The following PPP1R14B variants were observed in gnomAD, a reference collection of about 807,000 sequenced individuals.
PPP1R14B encodes protein phosphatase 1 regulatory inhibitor subunit 14B.
In PPP1R14B, 4 loss-of-function variants were observed where a neutral mutation model predicts 14.7. That is an observed-to-expected ratio of 0.27 (90% CI 0.13 to 0.62). The LOEUF (loss-of-function observed/expected upper bound fraction) is 0.62, where lower values mean the gene tolerates loss of function less well. PPP1R14B is among the 20% of genes least tolerant of loss of function. The pLI is 0.85. For synonymous variants in PPP1R14B, 76 were observed against 87.3 expected (o/e 0.87, Z 0.72); for missense variants, 138 against 201.5 (o/e 0.68, Z 1.91).
At position 64,244,610 on chromosome 11, in the gene PPP1R14B, G is replaced by A. The variant is rs917606531; in HGVS notation, c.*144C>T. The A allele has an allele frequency of 5.8e-5, 83 of 1,438,082 alleles. No homozygotes were observed. The Middle Eastern group carries it at 7.7e-4, about 13-fold the overall frequency. The allele number at this position is 1,438,082 out of a possible 1,614,324, so 89.1% of individuals were successfully genotyped here. On this transcript the variant is annotated 3_prime_UTR_variant, in exon 4 of 4. Transcript: ENST00000309318. ...AAAGTGGAAAACTGAGGGGGCAGGG[G>A]AAGAGACCCCTGGGCCAGGGGCACG...
In PPP1R14B at chr11:64,244,525, C is replaced by T. The variant is rs1213500650; in HGVS notation, c.*229G>A. The stretch of plus-strand genomic sequence containing the variant: ...CCTAGCTTTATTAAAGGGCCCGCGC[C>T]GCAGAGTCAATATAAAAACACAAAA... On this transcript the variant is annotated 3_prime_UTR_variant, in exon 4 of 4. Coordinates refer to ENST00000309318, the MANE Select transcript of PPP1R14B (RefSeq NM_138689.3). 2.7e-5 allele frequency: 34 copies of T among 1,272,950 alleles called. No homozygotes were observed. In the East Asian group the frequency reaches 3.1e-4, roughly 12 times the overall value. 78.9% of individuals were successfully genotyped at this position (1,272,950 alleles called of 1,614,324 possible).
In PPP1R14B at chr11:64,244,923, C is replaced by G. The variant is rs759936553; in HGVS notation, c.375+7G>C. 6.3e-7 allele frequency: 1 copy of G among 1,598,732 alleles called. No individual in the cohort carries two copies. The highest frequency in any genetic ancestry group is 1.7e-5 in the Admixed American group (1 of 59,572). On this transcript the variant is annotated splice_region_variant and intron_variant, in intron 3 of 3. Coordinates refer to ENST00000309318, the MANE Select transcript of PPP1R14B (RefSeq NM_138689.3). Reference sequence around the variant, plus strand: ...CACCCCCGCCAGCCCCCCAGGAAATCTCTTACCTCTGTGGGTTTGTAACAG... The same window carrying G: ...CACCCCCGCCAGCCCCCCAGGAAATGTCTTACCTCTGTGGGTTTGTAACAG...
rs752150726 is a variant in PPP1R14B, at chr11:64,244,913, C to T, written c.375+17G>A. 1.2e-6 allele frequency: 2 copies of T among 1,612,218 alleles called. No individual in the cohort carries two copies. The highest frequency in any genetic ancestry group is 1.7e-6 in the Non-Finnish European group (2 of 1,178,656). On this transcript the variant is annotated intron_variant, in intron 3 of 3. Transcript: ENST00000309318. ...CTCACCCTGCCACCCCCGCCAGCCC[C>T]CCAGGAAATCTCTTACCTCTGTGGG... is the stretch of plus-strand genomic sequence containing the variant.
In PPP1R14B at chr11:64,244,557, A is replaced by T; in HGVS notation, c.*197T>A. On this transcript the variant is annotated 3_prime_UTR_variant, in exon 4 of 4. Coordinates refer to ENST00000309318, the MANE Select transcript of PPP1R14B (RefSeq NM_138689.3). ...TCAATATAAAAACACAAAAAGTCCC[A>T]TCAGTTTAATAACAATAAAAAACCC... 7.4e-6 allele frequency: 10 copies of T among 1,352,674 alleles called. No individual in the cohort carries two copies. Among genetic ancestry groups the T allele is most frequent in the Non-Finnish European group, 7.9e-6 (8 of 1,012,746 alleles). 83.8% of individuals were successfully genotyped at this position (1,352,674 alleles called of 1,614,324 possible).
Position 64,246,561 on chromosome 11 carries a change from C to A in PPP1R14B, c.113G>T (p.Gly38Val). Residue 38 changes from glycine to valine, a missense_variant, in exon 1 of 4, where the codon GGA (glycine) becomes GTA (valine). Physicochemically the swap from Gly to Val is moderately radical, Grantham distance 109. This residue lies in a region of PPP1R14B where 32 missense variants were observed against 18.1 expected (regional missense o/e 1.77). Coordinates refer to ENST00000309318, the MANE Select transcript of PPP1R14B (RefSeq NM_138689.3). ...ATCGTCCGCCCCGCCCGGGCCCTCT[C>A]CTGCGGCCCCGGGGGGGCTCTGAAA... ...VYFQSPPGAAGEGPGGADDEG... is the reference protein window; with the variant it reads ...VYFQSPPGAAVEGPGGADDEG... The A allele has an allele frequency of 6.2e-7, 1 of 1,606,856 alleles. No homozygotes were observed. The highest frequency in any genetic ancestry group is 8.5e-7 in the Non-Finnish European group (1 of 1,177,974).
At position 64,245,079 on chromosome 11, in the gene PPP1R14B, A is replaced by C. The variant is rs908303796; in HGVS notation, c.343-117T>G. On this transcript the variant is annotated intron_variant, in intron 2 of 3. Transcript: ENST00000309318. ...CCTGAGGCACAGGAGATGCCACAAC[A>C]ACCTCACAGCTAGGCATTGGCCCCA... 4.8e-6 allele frequency: 7 copies of C among 1,453,112 alleles called. No homozygotes were observed. The African/African-American group carries it at 8.5e-5, about 18-fold the overall frequency. 90.0% of individuals were successfully genotyped at this position (1,453,112 alleles called of 1,614,324 possible). A position where few individuals can be genotyped will look rare whatever the true frequency, so the allele number is the denominator to read the frequency against.
At position 64,244,699 on chromosome 11, in the gene PPP1R14B, G is replaced by T; in HGVS notation, c.*55C>A. ...CCCCCGGTATTGCTGTTGCTACGAG[G>T]TTGGGGGGCAGCGATTGTCCTGTGG... On this transcript the variant is annotated 3_prime_UTR_variant, in exon 4 of 4. Coordinates refer to ENST00000309318, the MANE Select transcript of PPP1R14B (RefSeq NM_138689.3). The T allele has an allele frequency of 1.2e-6, 2 of 1,605,302 alleles. No individual in the cohort carries two copies. Among genetic ancestry groups the T allele is most frequent in the Non-Finnish European group, 1.7e-6 (2 of 1,173,952 alleles).
In PPP1R14B at chr11:64,244,678, C is replaced by T. The variant is rs561964164; in HGVS notation, c.*76G>A. On this transcript the variant is annotated 3_prime_UTR_variant, in exon 4 of 4. Coordinates refer to ENST00000309318, the MANE Select transcript of PPP1R14B (RefSeq NM_138689.3). ...CACCAGGCCTGGCCGCAGGGTCCCC[C>T]GGTATTGCTGTTGCTACGAGGTTGG... The T allele has an allele frequency of 2.3e-4, 374 of 1,596,272 alleles. 1 individual carries two copies. In the African/African-American group the frequency reaches 4.0e-3, roughly 17 times the overall value.
Position 64,246,811 on chromosome 11 carries a change from G to A in PPP1R14B, c.-138C>T. 4.4e-6 allele frequency: 3 copies of A among 679,680 alleles called. No homozygotes were observed. Among genetic ancestry groups the A allele is most frequent in the Non-Finnish European group, 3.6e-6 (2 of 552,896 alleles). 42.1% of individuals were successfully genotyped at this position (679,680 alleles called of 1,614,324 possible). On this transcript the variant is annotated 5_prime_UTR_variant, in exon 1 of 4. Coordinates refer to ENST00000309318, the MANE Select transcript of PPP1R14B (RefSeq NM_138689.3). The stretch of plus-strand genomic sequence containing the variant: ...GGCGAGGGCGGCGGCGGGGGCGCCC[G>A]GGGGCAGCTGCAGCATGCGGAGCCC...
rs1209933304 is a variant in PPP1R14B at position 64,246,419 on chromosome 11, G to A, written c.255C>T (p.Cys85=). The change falls in exon 1 of 4, where the codon TGC becomes TGT. Residue 85 remains cysteine, a synonymous_variant. Coordinates refer to ENST00000309318, the MANE Select transcript of PPP1R14B (RefSeq NM_138689.3). ...TCGGCGCGGGGTGGGAACACACCTGGCAGTCGTAGAGGCGCGTGAGCTGCT... is the reference window on the plus strand; with the variant it reads ...TCGGCGCGGGGTGGGAACACACCTGACAGTCGTAGAGGCGCGTGAGCTGCT... ...ILEQLTRLYD[C]QEEEIPELEI... is the part of the protein sequence containing the mutation. The A allele has an allele frequency of 5.6e-6, 9 of 1,607,300 alleles. No homozygotes were observed. The highest frequency in any genetic ancestry group is 1.3e-5 in the African/African-American group (1 of 74,732).
intron 1 of PPP1R14B, 107 bp downstream of exon 1, chr11:64,246,309 G>C (rs2030876381): frequency 6.9e-7 from 1 of 1,455,668 alleles, no homozygotes; most frequent in Non-Finnish European, 9.3e-7. Flanking sequence ...AGCGCGCGGG[G>C]AAGCAAAGCG....
chr11:64,246,579 C>T lies in PPP1R14B; in HGVS notation c.95G>A (p.Ser32Asn). The change falls in exon 1 of 4, where the codon AGC (serine) becomes AAC (asparagine). Residue 32 changes from serine (S) to asparagine (N), a missense_variant. Physicochemically the swap from Ser to Asn is conservative, Grantham distance 46. Transcript: ENST00000309318. ...GCCCTCTCCTGCGGCCCCGGGGGGG[C>T]TCTGAAAGTAGACGCGTGGTCCTGG... ...GGPGPRVYFQ[S>N]PPGAAGEGPG... The T allele has an allele frequency of 6.2e-7, 1 of 1,601,000 alleles. No homozygotes were observed. The highest frequency in any genetic ancestry group is 2.3e-4 in the Middle Eastern group (1 of 4,414).
chr11:64,245,594 G>A, intron 1 of PPP1R14B: 1 of 375,794 alleles, frequency 2.7e-6, no homozygotes. Flanking sequence ...CCAACATCCG[G>A]GCCCCCCATC....
chr11:64,246,296 G>A, intron 1 of PPP1R14B, 120 bp downstream of exon 1: 1 of 1,370,440 alleles, frequency 7.3e-7, no homozygotes, highest in East Asian at 2.6e-5. Flanking sequence ...CAGAGGGGAG[G>A]GGAGCGCGCG....
chr11:64,246,050 G>C, intron 1 of PPP1R14B: 1 of 242,468 alleles, frequency 4.1e-6, no homozygotes, highest in Non-Finnish European at 8.1e-6. Flanking sequence ...TACCAGACCA[G>C]CACCTTGTAA....
intron 1 of PPP1R14B, 140 bp downstream of exon 1, chr11:64,246,276 G>A: frequency 2.6e-6 from 3 of 1,136,416 alleles, no homozygotes; most frequent in East Asian, 2.7e-5. Flanking sequence ...ATATATTGGG[G>A]GCGGGAGTGC....
In PPP1R14B at chr11:64,246,578, G is replaced by C. The variant is rs765161994; in HGVS notation, c.96C>G (p.Ser32Arg). The C allele has an allele frequency of 1.2e-6, 2 of 1,601,556 alleles. No individual in the cohort carries two copies. The highest frequency in any genetic ancestry group is 1.7e-6 in the Non-Finnish European group (2 of 1,175,644). ...GGCCCTCTCCTGCGGCCCCGGGGGG[G>C]CTCTGAAAGTAGACGCGTGGTCCTG... ...GGPGPRVYFQ[S>R]PPGAAGEGPG... is the part of the protein sequence containing the mutation. Residue 32 changes from serine to arginine, a missense_variant, in exon 1 of 4, where the codon AGC (serine) becomes AGG (arginine). By Grantham distance (110) the Ser-to-Arg change is moderately radical. Coordinates refer to ENST00000309318, the MANE Select transcript of PPP1R14B (RefSeq NM_138689.3).
In PPP1R14B at chr11:64,246,601, C is replaced by T; in HGVS notation, c.73G>A (p.Gly25Arg). Residue 25 changes from glycine (G) to arginine (R), a missense_variant, in exon 1 of 4, where the codon GGA becomes AGA. Coordinates refer to ENST00000309318, the MANE Select transcript of PPP1R14B (RefSeq NM_138689.3). ...GGGCTCTGAAAGTAGACGCGTGGTC[C>T]TGGGCCGCCACTGCCCGGCCCGGGG... ...PAPGPGSGGP[G>R]PRVYFQSPPG... The T allele has an allele frequency of 6.5e-7, 1 of 1,536,218 alleles. No homozygotes were observed. Among genetic ancestry groups the T allele is most frequent in the Non-Finnish European group, 8.8e-7 (1 of 1,141,666 alleles).
In PPP1R14B at chr11:64,244,530, A is replaced by G; in HGVS notation, c.*224T>C. 1 of 1,283,994 alleles carries G rather than the reference A, an allele frequency of 7.8e-7. No individual in the cohort carries two copies. The highest frequency in any genetic ancestry group is 1.0e-6 in the Non-Finnish European group (1 of 955,982). 79.5% of individuals were successfully genotyped at this position (1,283,994 alleles called of 1,614,324 possible). ...CTTTATTAAAGGGCCCGCGCCGCAG[A>G]GTCAATATAAAAACACAAAAAGTCC... is the stretch of plus-strand genomic sequence containing the variant. On this transcript the variant is annotated 3_prime_UTR_variant, in exon 4 of 4. Coordinates refer to ENST00000309318, the MANE Select transcript of PPP1R14B (RefSeq NM_138689.3).
Sources: gnomAD v4.1 joint callset for allele counts on GRCh38, gnomAD v4.1.1 for gene constraint, gnomAD v4.1.1 regional missense constraint, MANE v1.5 for transcripts, NCBI Gene and HGNC (gene_info 2026-07-23, HGNC 2026-07-21) for gene names.